The following INTU variants were observed in gnomAD, a reference collection of about 807,000 sequenced individuals.
INTU encodes protein inturned.
In INTU, 68 loss-of-function variants were observed where a neutral mutation model predicts 100.5. That is an observed-to-expected ratio of 0.68 (90% confidence interval 0.56 to 0.83). The LOEUF (loss-of-function observed/expected upper bound fraction) is 0.83. Among genes scored for constraint, INTU ranks in the 40% least tolerant of loss-of-function variants. INTU has a pLI of 0.00. For synonymous variants in INTU, 357 were observed against 395.7 expected, an observed-to-expected ratio of 0.90 and a Z score of 1.16; for missense variants, 1,071 against 1,114.7, an observed-to-expected ratio of 0.96 and a Z score of 0.56.
At chr4:127,677,035 G>C (rs964350615) in intron 6 of INTU, among the ~76,000 whole-genome samples, 1 of 152,158 alleles carries the variant, frequency 6.6e-6, no homozygotes, top group East Asian at 1.9e-4. Flanking sequence ...AAGATGGCAG[G>C]GAGGCTGGGG....
chr4:127,689,138 A>G (rs764931904), intron 8 of INTU, among the ~76,000 whole-genome samples: 1 of 150,870 alleles, frequency 6.6e-6, no homozygotes, highest in Non-Finnish European at 1.5e-5. Flanking sequence ...GCACACCACC[A>G]TGCCTGGCTA....
At chr4:127,672,902 T>G (rs1275547826) in intron 5 of INTU, among the ~76,000 whole-genome samples, 1 of 152,252 alleles carries the variant, frequency 6.6e-6, no homozygotes, top group African/African-American at 2.4e-5. Context: ...TGAAGTATAA[T>G]GAAGTAAACT....
At chr4:127,633,318 A>G in intron 1 of INTU, 138 bp downstream of exon 1, 2 of 815,090 alleles carry the variant, frequency 2.5e-6, no homozygotes, top group Non-Finnish European at 3.8e-6. Context: ...ATTTAATTGC[A>G]CCACGTTCCA....
At chr4:127,656,592 T>G in intron 2 of INTU, 44 bp from the exon 3 acceptor site, 3 of 1,377,266 alleles carry the variant, frequency 2.2e-6, no homozygotes, top group African/African-American at 1.4e-5. Flanking sequence ...TCTATGGTTT[T>G]TAGATATTCA....
intron 2 of INTU, among the ~76,000 whole-genome samples, chr4:127,655,534 C>T (rs1469114760): frequency 4.6e-5 from 7 of 151,496 alleles, no homozygotes; most frequent in African/African-American, 7.3e-5. Context: ...TTAGGCTGCT[C>T]GGGGGTCAGG....
At chr4:127,637,242 G>C (rs1055738469) in intron 1 of INTU, among the ~76,000 whole-genome samples, 11 of 152,152 alleles carry the variant, frequency 7.2e-5, no homozygotes, top group Non-Finnish European at 1.5e-5. Context: ...CCTGTCTGTG[G>C]TCTTTCTTCC....
At position 127,656,685 on chromosome 4, in the gene INTU, C is replaced by T. The variant is rs1465039404; in HGVS notation, c.732C>T (p.Ile244=). The change falls in exon 3 of 16, where the codon ATC becomes ATT. Residue 244 remains isoleucine (I), a synonymous_variant. Coordinates refer to ENST00000335251, the MANE Select transcript of INTU (RefSeq NM_015693.4). The part of the protein sequence containing the change: ...VNDVDVTTEN[I]ERVLSCIPGP... ...ATGTCGATGTTACTACTGAAAACATCGAGAGAGTTCTGTCTTGCATTCCTG... is the reference window on the plus strand; with the variant it reads ...ATGTCGATGTTACTACTGAAAACATTGAGAGAGTTCTGTCTTGCATTCCTG... 2.2e-5 allele frequency: 36 copies of T among 1,610,446 alleles called. No homozygotes were observed. The highest frequency in any genetic ancestry group is 3.0e-5 in the Non-Finnish European group (35 of 1,177,436).
At chr4:127,703,619 CAT>C (rs1730746588) in intron 9 of INTU, among the ~76,000 whole-genome samples, 1 of 152,122 alleles carries the variant, frequency 6.6e-6, no homozygotes, top group African/African-American at 2.4e-5. Context: ...ATAGATCAAT[CAT>C]ATTTTTTTAA....
intron 6 of INTU, among the ~76,000 whole-genome samples, chr4:127,677,483 G>A (rs981153204): frequency 4.6e-5 from 7 of 150,800 alleles, no homozygotes; most frequent in African/African-American, 1.7e-4. Flanking sequence ...TGGTACCCAG[G>A]CAAACAGGGT....
intron 6 of INTU, among the ~76,000 whole-genome samples, chr4:127,682,187 T>G (rs1037266067): frequency 1.3e-5 from 2 of 152,064 alleles, no homozygotes; most frequent in Non-Finnish European, 2.9e-5. Flanking sequence ...CTTGTGGAAG[T>G]CAGTGTGGCG....
chr4:127,689,891 T>G (rs1730034171), intron 8 of INTU, among the ~76,000 whole-genome samples: 1 of 152,178 alleles, frequency 6.6e-6, no homozygotes, highest in Non-Finnish European at 1.5e-5. Flanking sequence ...CTGGGGTCTT[T>G]TATCCTCAGT....
chr4:127,706,220 C>T (rs1730872331), intron 11 of INTU, among the ~76,000 whole-genome samples: 1 of 152,122 alleles, frequency 6.6e-6, no homozygotes, highest in South Asian at 2.1e-4. Flanking sequence ...AACTGAGGCT[C>T]TTGACAGCTA....
Position 127,719,609 on chromosome 4 carries a change from T to G in INTU, c.*3173T>G, listed in dbSNP as rs934136169. The G allele has an allele frequency of 6.6e-6, 1 of 152,192 alleles. No homozygotes were observed. Among genetic ancestry groups the G allele is most frequent in the Non-Finnish European group, 1.5e-5 (1 of 68,036 alleles). 9.4% of individuals were successfully genotyped at this position (152,192 alleles called of 1,614,324 possible). ...AGAATTCAGCTGTAGATCCATCTGG[T>G]CCTGGGCTTTTTTTGGTTGGTAGCC... On this transcript the variant is annotated 3_prime_UTR_variant, in exon 16 of 16. Transcript: ENST00000335251.
chr4:127,666,587 T>G (rs1728708443), intron 4 of INTU, among the ~76,000 whole-genome samples: 1 of 152,124 alleles, frequency 6.6e-6, no homozygotes, highest in African/African-American at 2.4e-5. Context: ...AGGACAGCCC[T>G]GCTTCTGTCT....
intron 8 of INTU, among the ~76,000 whole-genome samples, chr4:127,692,350 T>A (rs1031645395): frequency 2.0e-5 from 3 of 152,094 alleles, no homozygotes; most frequent in Non-Finnish European, 4.4e-5. Flanking sequence ...GTGATGTTGA[T>A]CATTTTTGCA....
rs189895121 is a variant in INTU, at chr4:127,702,358, G to T, written c.1504-1870G>T. Among the ~76,000 whole-genome samples the T allele has an allele frequency of 3.3e-5, 5 of 152,182 alleles. No homozygotes were observed. The East Asian group carries it at 9.6e-4, about 29-fold the overall frequency. Reference sequence around the variant, plus strand: ...CTGTTCCTATCTTTTTAAACCAAGAGAACTGAAAGCATATGTAATACAAAG... The same window carrying T: ...CTGTTCCTATCTTTTTAAACCAAGATAACTGAAAGCATATGTAATACAAAG... On this transcript the variant is annotated intron_variant, in intron 9 of 15. Transcript: ENST00000335251.
rs900345558 is a variant in INTU at position 127,720,573 on chromosome 4, G to A, written c.*4137G>A. Reference sequence around the variant, plus strand: ...GTCTCGATGATCTAATATTGACAGTGGGGTGTTAAAGTCTCCCACTATTAT... The same window carrying A: ...GTCTCGATGATCTAATATTGACAGTAGGGTGTTAAAGTCTCCCACTATTAT... On this transcript the variant is annotated 3_prime_UTR_variant, in exon 16 of 16. Transcript: ENST00000335251. The A allele has an allele frequency of 2.0e-5, 3 of 152,066 alleles. No individual in the cohort carries two copies. The highest frequency in any genetic ancestry group is 4.4e-5 in the Non-Finnish European group (3 of 68,020). 9.4% of individuals were successfully genotyped at this position (152,066 alleles called of 1,614,324 possible).
intron 6 of INTU, among the ~76,000 whole-genome samples, chr4:127,675,648 C>G (rs1729141970): frequency 6.6e-6 from 1 of 152,144 alleles, no homozygotes; most frequent in African/African-American, 2.4e-5. Context: ...TATCTGAAGG[C>G]TTTAACTGGA....
intron 4 of INTU, among the ~76,000 whole-genome samples, chr4:127,668,800 AT>A (rs1396305597): frequency 1.3e-5 from 2 of 151,864 alleles, no homozygotes; most frequent in Non-Finnish European, 2.9e-5. Flanking sequence ...TTAGTATATT[AT>A]TTGTTATTAT....
Sources: gnomAD v4.1 joint callset for allele counts (sites outside exome capture counted in the v4.1 genomes callset) on GRCh38, gnomAD v4.1.1 for gene constraint, MANE v1.5 for transcripts, NCBI Gene and HGNC (gene_info 2026-07-23, HGNC 2026-07-21) for gene names.